Variants in XYLT1 observed in about 807,000 individuals in gnomAD.
The protein encoded by XYLT1 is beta-D-xylosyltransferase 1.
A neutral mutation model predicts 91.3 loss-of-function variants in XYLT1; 36 were observed. The observed-to-expected ratio is 0.39, with a 90% CI of 0.30 to 0.52. The LOEUF is 0.52. Ranked by LOEUF, XYLT1 falls within the 20% of genes least tolerant of loss-of-function variation. The pLI, the probability that XYLT1 is intolerant of heterozygous loss-of-function variation, is 0.68. For missense variants in XYLT1, 1,242 were observed against 1,284.5 expected, an observed-to-expected ratio of 0.97 and a Z score of 0.51; for synonymous variants, 588 against 532.0, an observed-to-expected ratio of 1.11 and a Z score of -1.45.
chr16:17,351,243 T>C (rs1241604004), intron 2 of XYLT1, among the ~76,000 whole-genome samples: 2 of 152,072 alleles, frequency 1.3e-5, no homozygotes, highest in Non-Finnish European at 2.9e-5. Flanking sequence ...CGGCCAGGCA[T>C]GTGGCTCATG....
chr16:17,400,629 G>A (rs200585229), intron 1 of XYLT1, among the ~76,000 whole-genome samples: 43 of 132,730 alleles, frequency 3.2e-4, no homozygotes, highest in East Asian at 1.8e-3. Context: ...GGGAGGAAGG[G>A]AGGAAGGAAG....
chr16:17,389,455 C>A (rs2035787849), intron 1 of XYLT1, among the ~76,000 whole-genome samples: 1 of 152,144 alleles, frequency 6.6e-6, no homozygotes, highest in South Asian at 2.1e-4. Context: ...TAGTATAGAA[C>A]AATCATTGTA....
chr16:17,297,506 G>A (rs1052228016), intron 2 of XYLT1, among the ~76,000 whole-genome samples: 5 of 151,956 alleles, frequency 3.3e-5, no homozygotes, highest in South Asian at 2.1e-4. Context: ...TGAGGCCAGC[G>A]GTTCAAGACC....
intron 1 of XYLT1, among the ~76,000 whole-genome samples, chr16:17,440,255 GCAGAATGAACTGATAACCTTCATAA>G (rs1325998832): frequency 1.3e-5 from 2 of 152,246 alleles, no homozygotes; most frequent in Admixed American, 6.5e-5. Flanking sequence ...CAACATGAAT[GCAGAATGAACTGATAACCTTCATAA>G]CATTTTCTAA....
chr16:17,326,494 G>C (rs2034804428), intron 2 of XYLT1, among the ~76,000 whole-genome samples: 2 of 152,124 alleles, frequency 1.3e-5, no homozygotes, highest in South Asian at 4.1e-4. Context: ...GGCTGGAATA[G>C]ACCCCCTAAG....
At chr16:17,113,977 T>C (rs1966847282) in intron 11 of XYLT1, among the ~76,000 whole-genome samples, 1 of 145,894 alleles carries the variant, frequency 6.9e-6, no homozygotes, top group East Asian at 2.0e-4. Flanking sequence ...TGGGGACAGA[T>C]TCATCCACCT....
At chr16:17,396,200 T>A (rs1412525193) in intron 1 of XYLT1, among the ~76,000 whole-genome samples, 4 of 152,200 alleles carry the variant, frequency 2.6e-5, no homozygotes, top group Non-Finnish European at 5.9e-5. Context: ...ATAATGCCTG[T>A]CACTCATGCA....
intron 1 of XYLT1, among the ~76,000 whole-genome samples, chr16:17,424,963 G>A (rs1348470195): frequency 6.6e-6 from 1 of 151,780 alleles, no homozygotes; most frequent in Non-Finnish European, 1.5e-5. Context: ...CACATTTTAG[G>A]TGCTGAATCA....
At chr16:17,362,864 T>C (rs1416119445) in intron 1 of XYLT1, among the ~76,000 whole-genome samples, 3 of 152,218 alleles carry the variant, frequency 2.0e-5, no homozygotes, top group African/African-American at 7.2e-5. Context: ...CAGAGCCAGG[T>C]ATCTCCGTGA....
At position 17,138,412 on chromosome 16, in the gene XYLT1, C is replaced by T. The variant is rs1282048165; in HGVS notation, c.1707G>A (p.Val569=). 6.2e-7 allele frequency: 1 copy of T among 1,614,122 alleles called. No homozygotes were observed. ...CATTGGGGGAGCAGCCGCACCAGTC[C>T]ACGATGTGCTTGTACTGGCACTTGC... ...LGCKCQYKHI[V]DWCGCSPNDF... Residue 569 remains valine (V), a synonymous_variant, in exon 8 of 12, where the codon GTG becomes GTA. Coordinates refer to ENST00000261381, the MANE Select transcript of XYLT1 (RefSeq NM_022166.4).
At chr16:17,139,392 A>G (rs184420497) in intron 7 of XYLT1, among the ~76,000 whole-genome samples, 80 of 152,272 alleles carry the variant, frequency 5.3e-4, no homozygotes, top group African/African-American at 1.9e-3. Flanking sequence ...GTGGGACTGA[A>G]CAGAGACCCT....
intron 2 of XYLT1, among the ~76,000 whole-genome samples, chr16:17,346,107 G>A (rs536907146): frequency 4.6e-5 from 7 of 152,252 alleles, no homozygotes; most frequent in Middle Eastern, 6.8e-3. Context: ...CACCGAGCCC[G>A]GCCTACTCTG....
At chr16:17,450,523 G>A (rs2036653113) in intron 1 of XYLT1, among the ~76,000 whole-genome samples, 1 of 152,190 alleles carries the variant, frequency 6.6e-6, no homozygotes, top group African/African-American at 2.4e-5. Context: ...TGGAAGAAGA[G>A]ACATGTGCAA....
At chr16:17,379,218 C>T (rs1419494020) in intron 1 of XYLT1, among the ~76,000 whole-genome samples, 1 of 152,238 alleles carries the variant, frequency 6.6e-6, no homozygotes, top group Admixed American at 6.5e-5. Flanking sequence ...TCCAAGGAGA[C>T]ACCTCCTAAA....
intron 2 of XYLT1, among the ~76,000 whole-genome samples, chr16:17,350,718 G>C (rs1029322670): frequency 6.6e-6 from 1 of 152,176 alleles, no homozygotes; most frequent in African/African-American, 2.4e-5. Flanking sequence ...GAATTAATGG[G>C]CTGGAGACTC....
chr16:17,190,595 T>C (rs2032288754), intron 5 of XYLT1, among the ~76,000 whole-genome samples: 1 of 152,134 alleles, frequency 6.6e-6, no homozygotes. Flanking sequence ...GTTTCCACCT[T>C]CATCCATGTC....
At chr16:17,219,345 T>G (rs1226176674) in intron 3 of XYLT1, among the ~76,000 whole-genome samples, 3 of 150,842 alleles carry the variant, frequency 2.0e-5, no homozygotes, top group South Asian at 4.2e-4. Context: ...TGCCTGCTAC[T>G]GGGTGACACA....
At chr16:17,398,823 C>A (rs1167199269) in intron 1 of XYLT1, among the ~76,000 whole-genome samples, 1 of 65,190 alleles carries the variant, frequency 1.5e-5, no homozygotes, top group Non-Finnish European at 3.2e-5. Context: ...TCCCCGCCCC[C>A]CCCCACTGTT....
At chr16:17,217,981 G>A (rs781296505) in intron 3 of XYLT1, among the ~76,000 whole-genome samples, 2 of 151,424 alleles carry the variant, frequency 1.3e-5, no homozygotes, top group African/African-American at 2.4e-5. Context: ...GACAAAAAAC[G>A]TTGGGGGTCC....
Sources: gnomAD v4.1 joint callset for allele counts (sites outside exome capture counted in the v4.1 genomes callset) on GRCh38, gnomAD v4.1.1 for gene constraint, MANE v1.5 for transcripts, NCBI Gene and HGNC (gene_info 2026-07-23, HGNC 2026-07-21) for gene names.